The following MACROD2 variants were observed in gnomAD, a reference collection of about 807,000 sequenced individuals.
MACROD2 encodes mono-ADP ribosylhydrolase 2.
Under a neutral mutation model 70.4 loss-of-function variants are expected in MACROD2, and 36 were observed. The ratio of observed to expected loss-of-function variants is 0.51; its 90% CI spans 0.39 to 0.68. The LOEUF is 0.68. Ranked by LOEUF, MACROD2 falls within the 30% of genes least tolerant of loss-of-function variation. The pLI is 0.00. For missense variants in MACROD2, 496 were observed against 538.4 expected, an observed-to-expected ratio of 0.92 and a Z score of 0.78; for synonymous variants, 172 against 178.8, an observed-to-expected ratio of 0.96 and a Z score of 0.30.
intron 3 of MACROD2, among the ~76,000 whole-genome samples, chr20:14,250,745 G>C (rs2082005688): frequency 6.6e-6 from 1 of 151,968 alleles, no homozygotes; most frequent in Admixed American, 6.6e-5. Context: ...TACTAATAAA[G>C]TGATAATAAT....
chr20:15,374,566 T>A (rs2045537227), intron 6 of MACROD2, among the ~76,000 whole-genome samples: 2 of 152,164 alleles, frequency 1.3e-5, no homozygotes, highest in African/African-American at 4.8e-5. Context: ...CCTGAGTCTA[T>A]GTATTTTTTT....
At chr20:15,548,826 C>T (rs1233724) in intron 8 of MACROD2, among the ~76,000 whole-genome samples, 72,780 of 152,028 alleles carry the variant, frequency 0.48, 20,394 homozygotes, top group African/African-American at 0.78. Flanking sequence ...CCATGTAAAA[C>T]GTTATACTAC....
intron 3 of MACROD2, among the ~76,000 whole-genome samples, chr20:14,298,120 C>G (rs2082442237): frequency 6.6e-6 from 1 of 151,884 alleles, no homozygotes; most frequent in Non-Finnish European, 1.5e-5. Flanking sequence ...AGATTATTTT[C>G]AAAATATTAC....
At chr20:14,433,844 ATAGT>A (rs1212828008) in intron 3 of MACROD2, among the ~76,000 whole-genome samples, 6 of 152,272 alleles carry the variant, frequency 3.9e-5, no homozygotes, top group Non-Finnish European at 8.8e-5. Flanking sequence ...AGGATTTAAA[ATAGT>A]TAGAGAAATT....
chr20:15,390,498 A>G (rs2045778338), intron 6 of MACROD2, among the ~76,000 whole-genome samples: 1 of 152,246 alleles, frequency 6.6e-6, no homozygotes, highest in Non-Finnish European at 1.5e-5. Context: ...TTCAGAATCT[A>G]GAACAGTGCT....
rs943556260 is a variant in MACROD2 at position 14,757,595 on chromosome 20, T to A, written c.418+72636T>A. 3 of 1,118,864 alleles carry A rather than the reference T, an allele frequency of 2.7e-6. No individual in the cohort carries two copies. The African/African-American group carries it at 4.6e-5, about 17-fold the overall frequency. 69.3% of individuals were successfully genotyped at this position (1,118,864 alleles called of 1,614,324 possible). ...TGCCTAAGAAGAACCAGATTGCCATTTATGACTCCTTTTTAAGGAGGGAGT... is the reference window on the plus strand; with the variant it reads ...TGCCTAAGAAGAACCAGATTGCCATATATGACTCCTTTTTAAGGAGGGAGT... On this transcript the variant is annotated intron_variant, in intron 5 of 17. Coordinates refer to ENST00000684519, the MANE Select transcript of MACROD2 (RefSeq NM_001351661.2).
intron 5 of MACROD2, among the ~76,000 whole-genome samples, chr20:14,975,650 T>A (rs149710529): frequency 7.9e-5 from 12 of 151,764 alleles, no homozygotes; most frequent in African/African-American, 2.9e-4. Flanking sequence ...GGGCTTTCCA[T>A]GTGTTACAGC....
chr20:14,895,579 G>A (rs1403992995), intron 5 of MACROD2: 3 of 152,164 alleles, frequency 2.0e-5, no homozygotes, highest in African/African-American at 7.2e-5. Context: ...ATGTTAACAT[G>A]TATTGGACTA....
chr20:15,126,600 C>T (rs1601108478), intron 5 of MACROD2, among the ~76,000 whole-genome samples: 1 of 151,988 alleles, frequency 6.6e-6, no homozygotes, highest in Non-Finnish European at 1.5e-5. Context: ...ATTGAAATAG[C>T]TCAAAGTCTA....
intron 5 of MACROD2, among the ~76,000 whole-genome samples, chr20:15,094,594 AT>A (rs1481463797): frequency 6.6e-6 from 1 of 151,978 alleles, no homozygotes; most frequent in African/African-American, 2.4e-5. Flanking sequence ...TGAAGTTTTT[AT>A]TTGTTTGTTT....
intron 8 of MACROD2, among the ~76,000 whole-genome samples, chr20:15,840,206 G>A (rs6110795): frequency 6.6e-6 from 1 of 152,184 alleles, no homozygotes; most frequent in Non-Finnish European, 1.5e-5. Context: ...GATTTGACAA[G>A]CAGCAGTTAC....
At chr20:14,204,122 C>A (rs1394395705) in intron 3 of MACROD2, among the ~76,000 whole-genome samples, 1 of 152,124 alleles carries the variant, frequency 6.6e-6, no homozygotes, top group African/African-American at 2.4e-5. Context: ...AGGTGCATGG[C>A]AGACCTGCCA....
chr20:15,273,624 T>C (rs1285087148), intron 6 of MACROD2, among the ~76,000 whole-genome samples: 3 of 152,106 alleles, frequency 2.0e-5, no homozygotes, highest in Non-Finnish European at 4.4e-5. Context: ...AGTTTTCTTC[T>C]GAAGGCCTAC....
chr20:14,345,996 A>G (rs1294461200), intron 3 of MACROD2, among the ~76,000 whole-genome samples: 1 of 145,418 alleles, frequency 6.9e-6, no homozygotes, highest in Non-Finnish European at 1.5e-5. Flanking sequence ...TGGGAGGCTG[A>G]GGCAGGAGAA....
At chr20:15,339,370 T>C (rs1212099717) in intron 6 of MACROD2, among the ~76,000 whole-genome samples, 1 of 151,762 alleles carries the variant, frequency 6.6e-6, no homozygotes, top group Non-Finnish European at 1.5e-5. Flanking sequence ...CTCTAAGACA[T>C]CAATCGACAA....
chr20:15,117,952 G>T (rs1381322986), intron 5 of MACROD2, among the ~76,000 whole-genome samples: 1 of 151,932 alleles, frequency 6.6e-6, no homozygotes, highest in Non-Finnish European at 1.5e-5. Context: ...TTTTTTGTTT[G>T]TTTGTTTTTT....
chr20:14,650,815 A>C (rs1985639401), intron 4 of MACROD2, among the ~76,000 whole-genome samples: 1 of 152,232 alleles, frequency 6.6e-6, no homozygotes, highest in South Asian at 2.1e-4. Context: ...TAGTTGCCAG[A>C]AGCAGTTCTG....
intron 12 of MACROD2, among the ~76,000 whole-genome samples, chr20:15,965,251 C>G (rs925550316): frequency 1.3e-5 from 2 of 152,148 alleles, no homozygotes; most frequent in Non-Finnish European, 2.9e-5. Flanking sequence ...GTTAAAGCAA[C>G]TCCCCAAGAA....
chr20:15,325,555 T>C (rs1463778016), intron 6 of MACROD2, among the ~76,000 whole-genome samples: 3 of 152,156 alleles, frequency 2.0e-5, no homozygotes, highest in Non-Finnish European at 4.4e-5. Flanking sequence ...GTAACCTCCA[T>C]GGTGAAATAT....
Sources: gnomAD v4.1 joint callset for allele counts (sites outside exome capture counted in the v4.1 genomes callset) on GRCh38, gnomAD v4.1.1 for gene constraint, MANE v1.5 for transcripts, NCBI Gene and HGNC (gene_info 2026-07-23, HGNC 2026-07-21) for gene names.